The following FAM178B variants were observed in gnomAD, a reference collection of about 807,000 sequenced individuals.
FAM178B encodes protein FAM178B.
FAM178B carries 82 observed loss-of-function variants against 91.7 expected under a neutral mutation model. The ratio of observed to expected loss-of-function variants is 0.89; its 90% CI spans 0.75 to 1.07. The LOEUF (loss-of-function observed/expected upper bound fraction) is 1.07. Among genes scored for constraint, FAM178B ranks in the 50% least tolerant of loss-of-function variants. FAM178B has a pLI of 0.00. For missense variants in FAM178B, 769 were observed against 846.7 expected, an observed-to-expected ratio of 0.91 and a Z score of 1.14; for synonymous variants, 368 against 359.4, an observed-to-expected ratio of 1.02 and a Z score of -0.27.
Position 96,886,144 on chromosome 2 carries a change from C to T in FAM178B, c.1777-7651G>A, listed in dbSNP as rs146634294. ...GACTGAACCACAGGGATGCTGCACA[C>T]GTCCAGGGATCCTGTCCTTTCCCTT... On this transcript the variant is annotated intron_variant, in intron 14 of 16. Coordinates refer to ENST00000490605, the MANE Select transcript of FAM178B (RefSeq NM_001122646.3). Among the ~76,000 whole-genome samples, 8 of 152,334 alleles carry T rather than the reference C, an allele frequency of 5.3e-5. No homozygotes were observed. The East Asian group carries it at 7.7e-4, about 15-fold the overall frequency.
intron 12 of FAM178B, among the ~76,000 whole-genome samples, chr2:96,913,902 G>A (rs777837647): frequency 2.0e-5 from 3 of 152,208 alleles, no homozygotes; most frequent in East Asian, 1.9e-4. Flanking sequence ...CCTGACTCCC[G>A]GCTTCTGTGC....
intron 12 of FAM178B, among the ~76,000 whole-genome samples, chr2:96,906,318 CAGCCTCCCAAGT>C (rs929202278): frequency 6.6e-6 from 1 of 151,774 alleles, no homozygotes; most frequent in African/African-American, 2.4e-5. Context: ...TCTCCTGCCT[CAGCCTCCCAAGT>C]AGCTGGGATC....
rs929502151 is a variant in FAM178B, at chr2:96,951,370, G to A, written c.993+9C>T. On this transcript the variant is annotated intron_variant, in intron 7 of 16. Coordinates refer to ENST00000490605, the MANE Select transcript of FAM178B (RefSeq NM_001122646.3). ...TCCCGCCACCTAGTGGCAGGCCTGC[G>A]GTCCTCACCTGGAACAGCCACTGGA... 3.2e-6 allele frequency: 5 copies of A among 1,544,120 alleles called. No homozygotes were observed. The highest frequency in any genetic ancestry group is 1.2e-5 in the South Asian group (1 of 83,942).
At chr2:96,895,818 G>A (rs2080811529) in intron 13 of FAM178B, among the ~76,000 whole-genome samples, 1 of 152,298 alleles carries the variant, frequency 6.6e-6, no homozygotes, top group East Asian at 1.9e-4. Flanking sequence ...GGCTTCCTCC[G>A]GTGACTCACC....
intron 14 of FAM178B, among the ~76,000 whole-genome samples, chr2:96,893,526 A>G (rs559857196): frequency 6.6e-6 from 1 of 152,094 alleles, no homozygotes; most frequent in African/African-American, 2.4e-5. Context: ...CCTACAGAAG[A>G]AGGGATGCCC....
At chr2:96,897,675 C>A (rs1449059711) in intron 13 of FAM178B, among the ~76,000 whole-genome samples, 1 of 152,222 alleles carries the variant, frequency 6.6e-6, no homozygotes, top group African/African-American at 2.4e-5. Flanking sequence ...ACCGCCCACG[C>A]TGCTGTTTCT....
intron 4 of FAM178B, among the ~76,000 whole-genome samples, chr2:96,970,348 A>T (rs2082200604): frequency 6.6e-6 from 1 of 152,244 alleles, no homozygotes; most frequent in African/African-American, 2.4e-5. Context: ...TCTGCCCAGC[A>T]TGACCCTCCA....
At chr2:96,902,828 C>T in intron 12 of FAM178B, 121 bp from the exon 13 acceptor site, 1 of 677,354 alleles carries the variant, frequency 1.5e-6, no homozygotes, top group South Asian at 1.6e-5. Context: ...GGTACCCCAG[C>T]AAAGGGCTTT....
intron 7 of FAM178B, chr2:96,950,182 A>G: frequency 1.0e-6 from 1 of 985,444 alleles, no homozygotes; most frequent in Non-Finnish European, 1.2e-6. Context: ...GTGCCGTCTC[A>G]GATGGGTCCT....
intron 8 of FAM178B, among the ~76,000 whole-genome samples, chr2:96,945,185 TTC>T (rs1221349612): frequency 4.6e-5 from 7 of 152,194 alleles, no homozygotes; most frequent in Admixed American, 4.6e-4. Flanking sequence ...AGAGTATCCC[TTC>T]TCTGAGTGCA....
chr2:96,982,104 T>C (rs2082370379), intron 1 of FAM178B, among the ~76,000 whole-genome samples: 2 of 152,140 alleles, frequency 1.3e-5, no homozygotes, highest in Non-Finnish European at 2.9e-5. Context: ...TCCAAAGTCA[T>C]GAACATATTT....
chr2:96,878,192 A>T, intron 15 of FAM178B, 150 bp from the exon 16 acceptor site: 1 of 935,410 alleles, frequency 1.1e-6, no homozygotes, highest in Non-Finnish European at 1.6e-6. Flanking sequence ...TGGGGCCAGC[A>T]CAACTGTTGG....
intron 1 of FAM178B, among the ~76,000 whole-genome samples, chr2:96,982,627 G>C (rs767355989): frequency 6.6e-6 from 1 of 151,534 alleles, no homozygotes; most frequent in Non-Finnish European, 1.5e-5. Context: ...GGAGTGCAAT[G>C]TCATGATCAC....
chr2:96,892,697 C>T (rs1262120374), intron 14 of FAM178B, among the ~76,000 whole-genome samples: 1 of 152,122 alleles, frequency 6.6e-6, no homozygotes, highest in Non-Finnish European at 1.5e-5. Context: ...GCAGGCCACA[C>T]TCTCCGCTTA....
intron 9 of FAM178B, among the ~76,000 whole-genome samples, chr2:96,925,156 G>C (rs2081415429): frequency 6.6e-6 from 1 of 152,198 alleles, no homozygotes; most frequent in Admixed American, 6.5e-5. Flanking sequence ...AACACGCGCA[G>C]CCATAGGTGG....
At chr2:96,985,742 G>C (rs2082415016) in intron 1 of FAM178B, among the ~76,000 whole-genome samples, 1 of 152,116 alleles carries the variant, frequency 6.6e-6, no homozygotes, top group South Asian at 2.1e-4. Flanking sequence ...ATATTTAATA[G>C]CTTGGGAATG....
intron 14 of FAM178B, among the ~76,000 whole-genome samples, chr2:96,879,904 C>T (rs7580748): frequency 0.023 from 3,436 of 152,256 alleles, 128 homozygotes; most frequent in African/African-American, 0.079. Context: ...CCCTGAGCTC[C>T]CCTTCCCTCC....
intron 8 of FAM178B, among the ~76,000 whole-genome samples, chr2:96,940,970 G>T (rs1249025788): frequency 6.6e-6 from 1 of 152,210 alleles, no homozygotes; most frequent in African/African-American, 2.4e-5. Flanking sequence ...GCAGGCTGTG[G>T]CCTCTCCAGA....
chr2:96,902,709 TG>T lies in FAM178B; in HGVS notation c.1563-3del. The stretch of plus-strand genomic sequence containing the variant: ...AGGCTGAGCTGGCTTCGAAGCCGCC[TG>T]GGGGAAAAGCGACAGCCTGAGAGAG... On this transcript the variant is annotated splice_region_variant and splice_polypyrimidine_tract_variant and intron_variant, in intron 12 of 16. Transcript: ENST00000490605. 1.3e-6 allele frequency: 2 copies of T among 1,549,150 alleles called. No individual in the cohort carries two copies. The highest frequency in any genetic ancestry group is 2.4e-5 in the East Asian group (1 of 40,844).
Sources: allele counts gnomAD v4.1 joint callset (sites outside exome capture counted in the v4.1 genomes callset), GRCh38; gene constraint gnomAD v4.1.1; transcripts MANE v1.5; gene names NCBI Gene and HGNC (gene_info 2026-07-23, HGNC 2026-07-21).